FRMD5: variants seen among roughly 807,000 people sequenced by gnomAD.
FRMD5 encodes FERM domain containing 5.
A neutral mutation model predicts 69.0 loss-of-function variants in FRMD5; 20 were observed. The ratio of observed to expected loss-of-function variants is 0.29; its 90% CI spans 0.20 to 0.42. The LOEUF is 0.42. Ranked by LOEUF, FRMD5 falls within the 10% of genes least tolerant of loss-of-function variation. FRMD5 has a pLI of 1.00. For synonymous variants in FRMD5, 271 were observed against 260.1 expected (o/e 1.04, Z -0.40); for missense variants, 595 against 708.6 (o/e 0.84, Z 1.82).
At chr15:43,900,100 C>A (rs533241945) in intron 7 of FRMD5, among the ~76,000 whole-genome samples, 1 of 152,068 alleles carries the variant, frequency 6.6e-6, no homozygotes, top group Admixed American at 6.6e-5. Context: ...TTCAGGCAGC[C>A]GTCTTTAAGG....
intron 1 of FRMD5, among the ~76,000 whole-genome samples, chr15:44,076,487 A>G (rs1269682648): frequency 6.6e-6 from 1 of 150,742 alleles, no homozygotes; most frequent in Non-Finnish European, 1.5e-5. Context: ...CATGGATGAA[A>G]TTGGAAATCA....
intron 1 of FRMD5, among the ~76,000 whole-genome samples, chr15:44,132,188 C>T (rs113418856): frequency 7.2e-5 from 11 of 152,212 alleles, no homozygotes; most frequent in South Asian, 4.1e-4. Context: ...TGACAGGAGG[C>T]GGAGCTCAGG....
At chr15:44,036,145 C>G (rs565371535) in intron 1 of FRMD5, among the ~76,000 whole-genome samples, 29 of 152,254 alleles carry the variant, frequency 1.9e-4, no homozygotes, top group African/African-American at 7.0e-4. Context: ...AGGATCAAAA[C>G]AAGACCAGAA....
chr15:43,877,012 C>G (rs1450909320), intron 13 of FRMD5, among the ~76,000 whole-genome samples: 1 of 152,196 alleles, frequency 6.6e-6, no homozygotes, highest in Non-Finnish European at 1.5e-5. Context: ...GTTACACTCT[C>G]AACTGAACAG....
chr15:43,958,499 C>G (rs562021939), intron 1 of FRMD5, among the ~76,000 whole-genome samples: 9 of 152,220 alleles, frequency 5.9e-5, no homozygotes, highest in Non-Finnish European at 1.0e-4. Context: ...CAATCACGAT[C>G]GTGGCTCATT....
chr15:44,128,065 G>A (rs763651369), intron 1 of FRMD5, among the ~76,000 whole-genome samples: 6 of 152,062 alleles, frequency 3.9e-5, no homozygotes, highest in African/African-American at 1.5e-4. Context: ...CGCCCCCACC[G>A]TACAGACAGA....
chr15:44,132,118 T>G (rs2555382), intron 1 of FRMD5, among the ~76,000 whole-genome samples: 27,446 of 152,088 alleles, frequency 0.18, 5,008 homozygotes, highest in African/African-American at 0.47. Flanking sequence ...CTAGATCCCT[T>G]GCATGGGCAG....
intron 8 of FRMD5, among the ~76,000 whole-genome samples, chr15:43,890,893 T>G (rs1303009318): frequency 6.6e-6 from 1 of 151,984 alleles, no homozygotes; most frequent in Non-Finnish European, 1.5e-5. Context: ...AAGCTCAAAC[T>G]CAGTGGGGGA....
At chr15:44,077,014 G>A (rs1893799489) in intron 1 of FRMD5, among the ~76,000 whole-genome samples, 1 of 151,878 alleles carries the variant, frequency 6.6e-6, no homozygotes, top group Non-Finnish European at 1.5e-5. Context: ...GACTGCTATA[G>A]GGAAATGTTG....
At chr15:44,138,826 G>A (rs1374946454) in intron 1 of FRMD5, among the ~76,000 whole-genome samples, 1 of 152,174 alleles carries the variant, frequency 6.6e-6, no homozygotes, top group Non-Finnish European at 1.5e-5. Context: ...ATTATGCTAA[G>A]TGAAAGAATC....
intron 1 of FRMD5, among the ~76,000 whole-genome samples, chr15:43,963,436 G>C (rs1291174129): frequency 1.3e-5 from 2 of 152,168 alleles, no homozygotes; most frequent in East Asian, 1.9e-4. Flanking sequence ...TGGAGAAATA[G>C]GAACACTTTT....
At chr15:44,038,874 C>T (rs1265858524) in intron 1 of FRMD5, among the ~76,000 whole-genome samples, 1 of 152,154 alleles carries the variant, frequency 6.6e-6, no homozygotes, top group African/African-American at 2.4e-5. Flanking sequence ...CCATGAAATT[C>T]CCTCCAGTGC....
At chr15:43,989,620 GT>G in intron 1 of FRMD5, 1 of 863,614 alleles carries the variant, frequency 1.2e-6, no homozygotes, top group Non-Finnish European at 2.0e-6. Flanking sequence ...CCTTCATGAG[GT>G]AGTCAGTCAG....
chr15:44,044,689 C>A (rs184876309), intron 1 of FRMD5, among the ~76,000 whole-genome samples: 2 of 151,308 alleles, frequency 1.3e-5, no homozygotes, highest in East Asian at 1.9e-4. Flanking sequence ...CGCATGTTCT[C>A]ATTCATAAGT....
At chr15:43,912,161 C>T (rs189845248) in intron 4 of FRMD5, among the ~76,000 whole-genome samples, 5 of 152,270 alleles carry the variant, frequency 3.3e-5, no homozygotes, top group African/African-American at 1.2e-4. Context: ...TAAGAAAATT[C>T]AAAAGCCATC....
At chr15:43,971,609 A>G (rs2090379353) in intron 1 of FRMD5, among the ~76,000 whole-genome samples, 1 of 148,724 alleles carries the variant, frequency 6.7e-6, no homozygotes, top group African/African-American at 2.5e-5. Context: ...ACTTGAACCC[A>G]GGAGGTGGAG....
At chr15:44,136,047 G>C (rs926398962) in intron 1 of FRMD5, among the ~76,000 whole-genome samples, 6 of 151,868 alleles carry the variant, frequency 4.0e-5, no homozygotes, top group African/African-American at 1.5e-4. Context: ...CTTGAGACAA[G>C]GTCTGGCTCT....
intron 1 of FRMD5, among the ~76,000 whole-genome samples, chr15:44,106,914 C>T (rs527529025): frequency 6.6e-6 from 1 of 152,250 alleles, no homozygotes; most frequent in East Asian, 1.9e-4. Context: ...CATCAATGAG[C>T]TTTGTTTATG....
chr15:43,992,473 G>C (rs1290812784), intron 1 of FRMD5, among the ~76,000 whole-genome samples: 1 of 151,846 alleles, frequency 6.6e-6, no homozygotes, highest in Non-Finnish European at 1.5e-5. Flanking sequence ...CTGCCTCTGG[G>C]TTCAAACAAT....
Sources: gnomAD v4.1 joint callset for allele counts (sites outside exome capture counted in the v4.1 genomes callset) on GRCh38, gnomAD v4.1.1 for gene constraint, MANE v1.5 for transcripts, NCBI Gene and HGNC (gene_info 2026-07-23, HGNC 2026-07-21) for gene names.